Variants in PNKD observed in about 807,000 individuals in gnomAD.
PNKD encodes the protein PNKD metallo-beta-lactamase domain containing.
A neutral mutation model predicts 45.3 loss-of-function variants in PNKD; 36 were observed. That is an observed-to-expected ratio of 0.80 (90% CI 0.61 to 1.05). The LOEUF is 1.05. Ranked by LOEUF, PNKD falls within the 50% of genes least tolerant of loss-of-function variation. The pLI is 0.00. For missense variants in PNKD, 511 were observed against 506.6 expected (o/e 1.01, Z -0.08); for synonymous variants, 197 against 210.1 (o/e 0.94, Z 0.54).
At chr2:218,304,123 C>T (rs1693349236) in intron 2 of PNKD, among the ~76,000 whole-genome samples, 1 of 152,140 alleles carries the variant, frequency 6.6e-6, no homozygotes, top group South Asian at 2.1e-4. Flanking sequence ...GTCACAGCCC[C>T]TATCAGTTGG....
intron 2 of PNKD, chr2:218,272,687 G>C: frequency 6.2e-7 from 1 of 1,614,262 alleles, no homozygotes; most frequent in Non-Finnish European, 8.5e-7. Context: ...ACACGGGCGA[G>C]TATGAGAGCC....
At chr2:218,279,392 C>T (rs1343559435) in intron 2 of PNKD, 1 of 1,511,756 alleles carries the variant, frequency 6.6e-7, no homozygotes, top group South Asian at 1.3e-5. Context: ...CCATCCGGCA[C>T]CCCTGGCCTG....
At chr2:218,332,934 A>C (rs1224160155) in intron 2 of PNKD, among the ~76,000 whole-genome samples, 1 of 152,060 alleles carries the variant, frequency 6.6e-6, no homozygotes, top group African/African-American at 2.4e-5. Context: ...AGGCCTCCTG[A>C]CAATTCCTAA....
chr2:218,278,577 G>C, intron 2 of PNKD: 1 of 1,614,182 alleles, frequency 6.2e-7, no homozygotes, highest in Non-Finnish European at 8.5e-7. Context: ...TAGGGACAAA[G>C]AGATGGGGAA....
intron 2 of PNKD, among the ~76,000 whole-genome samples, chr2:218,338,996 A>C (rs1188187292): frequency 1.3e-5 from 2 of 149,478 alleles, no homozygotes; most frequent in African/African-American, 4.9e-5. Flanking sequence ...TATAGGGCAC[A>C]ATGTTGCCCA....
At chr2:218,324,695 G>C (rs1392336502) in intron 2 of PNKD, among the ~76,000 whole-genome samples, 3 of 152,088 alleles carry the variant, frequency 2.0e-5, no homozygotes, top group African/African-American at 4.8e-5. Context: ...AGCACTTTGG[G>C]AGGCTGAGGC....
chr2:218,329,484 C>T (rs1694256671), intron 2 of PNKD, among the ~76,000 whole-genome samples: 1 of 152,258 alleles, frequency 6.6e-6, no homozygotes, highest in African/African-American at 2.4e-5. Context: ...GGGCTGAGAC[C>T]ATGGAGAGGC....
At chr2:218,301,550 G>A (rs1693271724) in intron 2 of PNKD, among the ~76,000 whole-genome samples, 1 of 152,154 alleles carries the variant, frequency 6.6e-6, no homozygotes, top group Non-Finnish European at 1.5e-5. Flanking sequence ...TTTTAGCCAG[G>A]CCCAGGCAGA....
intron 2 of PNKD, among the ~76,000 whole-genome samples, chr2:218,273,960 A>G (rs1352479015): frequency 1.3e-5 from 2 of 152,210 alleles, no homozygotes; most frequent in African/African-American, 4.8e-5. Flanking sequence ...GAAAAGGTCA[A>G]GCACTACAGC....
At chr2:218,336,785 ATTCTTTTTTTT>A (rs1289699294) in intron 2 of PNKD, among the ~76,000 whole-genome samples, 1 of 131,604 alleles carries the variant, frequency 7.6e-6, no homozygotes, top group Non-Finnish European at 1.6e-5. Flanking sequence ...CTGGCCTTCA[ATTCTTTTTTTT>A]TTTTTTTTTT....
At chr2:218,280,519 T>G (rs1691798828) in intron 2 of PNKD, 1 of 265,476 alleles carries the variant, frequency 3.8e-6, no homozygotes, top group Non-Finnish European at 7.4e-6. Flanking sequence ...CAGAGCGCAG[T>G]TTGTGCAGCA....
chr2:218,322,924 C>T (rs1377671970), intron 2 of PNKD, among the ~76,000 whole-genome samples: 2 of 152,222 alleles, frequency 1.3e-5, no homozygotes, highest in Non-Finnish European at 2.9e-5. Flanking sequence ...TGTAGCAGTG[C>T]CCTGGACGGG....
At chr2:218,294,483 C>T (rs1021073091) in intron 2 of PNKD, among the ~76,000 whole-genome samples, 8 of 152,110 alleles carry the variant, frequency 5.3e-5, no homozygotes, top group African/African-American at 1.9e-4. Context: ...AAACAGACAC[C>T]GCCCCCCCAC....
intron 2 of PNKD, chr2:218,292,523 C>T (rs991028976): frequency 6.6e-6 from 1 of 152,156 alleles, no homozygotes; most frequent in Admixed American, 6.5e-5. Flanking sequence ...CCTCCGGGGC[C>T]GGGCAGGGCT....
Position 218,341,607 on chromosome 2 carries a change from G to A in PNKD, c.598G>A (p.Gly200Ser), listed in dbSNP as rs1393743671. The change falls in exon 6 of 10, where the codon GGC (glycine) becomes AGC (serine). Residue 200 changes from glycine (G) to serine (S), a missense_variant. Coordinates refer to ENST00000273077, the MANE Select transcript of PNKD (RefSeq NM_015488.5). The part of the protein sequence containing the change: ...DCRVYGSPQD[G>S]IPYLTHPLCH... ...TCGGGTGTACGGGAGCCCTCAGGAC[G>A]GCATCCCCTACCTCACCCAGTAAGT... 6 of 1,583,370 alleles carry A rather than the reference G, an allele frequency of 3.8e-6. No homozygotes were observed. Among genetic ancestry groups the A allele is most frequent in the Admixed American group, 3.5e-5 (2 of 56,706 alleles).
chr2:218,270,680 G>A, intron 1 of PNKD, 78 bp downstream of exon 1: 1 of 459,282 alleles, frequency 2.2e-6, no homozygotes. Context: ...GATAGCAGGA[G>A]GTCAGGGCTC....
chr2:218,282,224 C>T (rs907168493), intron 2 of PNKD: 2 of 1,167,772 alleles, frequency 1.7e-6, no homozygotes, highest in Non-Finnish European at 1.2e-6. Context: ...TGCCCAGGCC[C>T]AGCTCACTCA....
intron 8 of PNKD, 28 bp downstream of exon 8, chr2:218,343,614 C>A: frequency 6.5e-7 from 1 of 1,543,764 alleles, no homozygotes; most frequent in South Asian, 1.2e-5. Flanking sequence ...TACTCCCCAT[C>A]CTCCAGCCCC....
intron 2 of PNKD, among the ~76,000 whole-genome samples, chr2:218,316,436 A>AT (rs1354638339): frequency 2.0e-5 from 3 of 151,744 alleles, no homozygotes; most frequent in South Asian, 2.1e-4. Flanking sequence ...TATCCAGCTA[A>AT]TTTTTTGTAT....
Sources: allele counts gnomAD v4.1 joint callset (sites outside exome capture counted in the v4.1 genomes callset), GRCh38; gene constraint gnomAD v4.1.1; transcripts MANE v1.5; gene names NCBI Gene and HGNC (gene_info 2026-07-23, HGNC 2026-07-21).